The following BCAS2 variants were observed in gnomAD, a reference collection of about 807,000 sequenced individuals.
The protein encoded by BCAS2 is pre-mRNA-splicing factor SPF27.
A neutral mutation model predicts 35.3 loss-of-function variants in BCAS2; 34 were observed. The observed-to-expected ratio is 0.96, with a 90% CI of 0.73 to 1.28. The LOEUF is 1.28. Ranked by LOEUF, BCAS2 falls within the 50% of genes most tolerant of loss-of-function variation. The probability of loss-of-function intolerance (pLI) is 0.00; values close to 1 mark genes in which losing one functional copy is unlikely to be tolerated. For synonymous variants in BCAS2, 75 were observed against 91.6 expected (o/e 0.82, Z 1.03); for missense variants, 221 against 268.1 (o/e 0.82, Z 1.23).
At position 114,575,619 on chromosome 1, in the gene BCAS2, A is replaced by G. The variant is rs1204649582; in HGVS notation, c.390T>C (p.His130=). The change falls in exon 4 of 7, where the codon CAT becomes CAC. Residue 130 remains histidine (H), a synonymous_variant. Transcript: ENST00000369541. ...TGTATACTTTCCAGGCATTACATCC[A>G]TGCTGTGACATTAGTTCCAGATTCT... ...RIENLELMSQ[H]GCNAWKVYNE... 8.7e-6 allele frequency: 14 copies of G among 1,611,308 alleles called. No individual in the cohort carries two copies. The South Asian group carries it at 1.4e-4, about 17-fold the overall frequency.
intron 2 of BCAS2, among the ~76,000 whole-genome samples, chr1:114,578,185 T>C (rs1654812846): frequency 6.6e-6 from 1 of 150,908 alleles, no homozygotes; most frequent in East Asian, 1.9e-4. Context: ...TGAGACTTCA[T>C]CTCAAAAACA....
chr1:114,573,140 A>C (rs1217268044), intron 4 of BCAS2, among the ~76,000 whole-genome samples: 1 of 133,110 alleles, frequency 7.5e-6, no homozygotes, highest in Non-Finnish European at 1.6e-5. Flanking sequence ...AAAAAAAAAA[A>C]AAAAAAAAAA....
intron 4 of BCAS2, among the ~76,000 whole-genome samples, chr1:114,571,951 C>A (rs1236610114): frequency 6.6e-6 from 1 of 152,132 alleles, no homozygotes; most frequent in Admixed American, 6.5e-5. Flanking sequence ...ATACAGAGTA[C>A]CATATAATTA....
Position 114,568,156 on chromosome 1 carries a change from T to C in BCAS2, c.652A>G (p.Lys218Glu), listed in dbSNP as rs1245342055. 10 of 1,613,168 alleles carry C rather than the reference T, an allele frequency of 6.2e-6. No homozygotes were observed. Among genetic ancestry groups the C allele is most frequent in the Non-Finnish European group, 8.5e-6 (10 of 1,179,990 alleles). Residue 218 changes from lysine (K) to glutamate (E), a missense_variant, in exon 7 of 7, where the codon AAA becomes GAA. By Grantham distance (56) the Lys-to-Glu change is moderately conservative. Coordinates refer to ENST00000369541, the MANE Select transcript of BCAS2 (RefSeq NM_005872.3). The part of the protein sequence containing the change: ...QIKQQHGEAN[K>E]ENIRQDF ...CAGAAGTCTTGCCGGATGTTTTCTT[T>C]GTTTGCCTCTCCATGTTGCTGCTTA...
intron 6 of BCAS2, among the ~76,000 whole-genome samples, chr1:114,568,939 A>T (rs1351866944): frequency 6.7e-6 from 1 of 150,144 alleles, no homozygotes; most frequent in African/African-American, 2.5e-5. Context: ...ATTTAAAAGC[A>T]TTTTTTTGTA....
chr1:114,568,367 A>AGT, intron 6 of BCAS2, 111 bp from the exon 7 acceptor site: 1 of 899,772 alleles, frequency 1.1e-6, no homozygotes. Context: ...ACTAACCTTC[A>AGT]CTTTTTTTTT....
intron 2 of BCAS2, among the ~76,000 whole-genome samples, chr1:114,577,109 T>C (rs527317907): frequency 1.1e-4 from 17 of 152,206 alleles, no homozygotes; most frequent in Non-Finnish European, 2.1e-4. Flanking sequence ...CCCAATGTAA[T>C]AGTATTAAGA....
At chr1:114,573,006 G>A (rs1329891987) in intron 4 of BCAS2, among the ~76,000 whole-genome samples, 2 of 151,666 alleles carry the variant, frequency 1.3e-5, no homozygotes, top group African/African-American at 4.8e-5. Context: ...CTACTCTGGA[G>A]GCTGAGGCAG....
rs1423198106 is a variant in BCAS2 at position 114,576,247 on chromosome 1, C to CTCTCTA, written c.257+440_257+441insTAGAGA. On this transcript the variant is annotated intron_variant, in intron 3 of 6. Coordinates refer to ENST00000369541, the MANE Select transcript of BCAS2 (RefSeq NM_005872.3). The stretch of plus-strand genomic sequence containing the variant: ...CCTCTCTCTCTCTCTCTCTCTCTCT[C>CTCTCTA]TATATATATATATATATAGTTTTTT... Among the ~76,000 whole-genome samples, 1,276 of 131,618 alleles carry CTCTCTA rather than the reference C, an allele frequency of 9.7e-3. 18 individuals carry two copies. The highest frequency in any genetic ancestry group is 0.035 in the African/African-American group (1,206 of 34,620). 86.3% of individuals were successfully genotyped at this position (131,618 alleles called of 152,430 possible).
In BCAS2 at chr1:114,576,148, T is replaced by C. The variant is rs556602549; in HGVS notation, c.258-397A>G. On this transcript the variant is annotated intron_variant, in intron 3 of 6. Transcript: ENST00000369541. ...ATCCACTAACATACCCATGCGCCGGTAGAGAAAAAAATGAGAAGCGATATG... is the reference window on the plus strand; with the variant it reads ...ATCCACTAACATACCCATGCGCCGGCAGAGAAAAAAATGAGAAGCGATATG... Among the ~76,000 whole-genome samples the C allele has an allele frequency of 5.3e-5, 8 of 151,598 alleles. No individual in the cohort carries two copies. The South Asian group carries it at 8.3e-4, about 16-fold the overall frequency.
At position 114,567,968 on chromosome 1, in the gene BCAS2, G is replaced by T; in HGVS notation, c.*162C>A. The stretch of plus-strand genomic sequence containing the variant: ...AAGCTAGACATTTTAATTCTGTTGA[G>T]ATATACAAATAGAATTACCACAGCA... On this transcript the variant is annotated 3_prime_UTR_variant, in exon 7 of 7. Transcript: ENST00000369541. The T allele has an allele frequency of 1.1e-6, 1 of 888,004 alleles. No homozygotes were observed. Among genetic ancestry groups the T allele is most frequent in the Non-Finnish European group, 1.7e-6 (1 of 592,122 alleles). The allele number at this position is 888,004 out of a possible 1,614,324, so 55.0% of individuals were successfully genotyped here. A position where few individuals can be genotyped will look rare whatever the true frequency, so the allele number is the denominator to read the frequency against.
chr1:114,570,085 A>AT lies in BCAS2; in HGVS notation c.471-14dup. ...TTGAATATGTTTTCTGTAAAAAATT[A>AT]TTTATACAACCCAATTACATTTTAA... On this transcript the variant is annotated splice_polypyrimidine_tract_variant and intron_variant, in intron 5 of 6. Transcript: ENST00000369541. The AT allele has an allele frequency of 6.4e-7, 1 of 1,572,424 alleles. No individual in the cohort carries two copies. The highest frequency in any genetic ancestry group is 8.7e-7 in the Non-Finnish European group (1 of 1,144,410).
intron 6 of BCAS2, 61 bp downstream of exon 6, chr1:114,569,931 A>G (rs1329913942): frequency 1.5e-6 from 2 of 1,306,398 alleles, no homozygotes; most frequent in Non-Finnish European, 2.2e-6. Flanking sequence ...GAATCATATT[A>G]TTGAATCGAC....
chr1:114,575,226 C>T (rs1397332785), intron 4 of BCAS2, among the ~76,000 whole-genome samples: 13 of 138,706 alleles, frequency 9.4e-5, no homozygotes, highest in African/African-American at 2.4e-4. Flanking sequence ...CTCATTCTGT[C>T]GCCTAGGCTG....
intron 2 of BCAS2, among the ~76,000 whole-genome samples, chr1:114,580,545 C>T (rs1654864125): frequency 6.6e-6 from 1 of 152,154 alleles, no homozygotes; most frequent in Non-Finnish European, 1.5e-5. Context: ...CACATTTATA[C>T]ATACTATTGT....
At chr1:114,572,733 T>C (rs1654672235) in intron 4 of BCAS2, among the ~76,000 whole-genome samples, 1 of 152,046 alleles carries the variant, frequency 6.6e-6, no homozygotes, top group Non-Finnish European at 1.5e-5. Flanking sequence ...AGAGGCAGGA[T>C]TTGCAATAAT....
chr1:114,568,203 A>G lies in BCAS2; in HGVS notation c.605T>C (p.Leu202Pro), dbSNP rs991945677. Residue 202 changes from leucine (L) to proline (P), a missense_variant, in exon 7 of 7, where the codon CTA becomes CCA. Leu to Pro is a moderately conservative substitution (Grantham distance 98, BLOSUM62 -3). Transcript: ENST00000369541. The stretch of plus-strand genomic sequence containing the variant: ...CTTAATTTGATAGATTTCATTTTCT[A>G]GCTGAACAATAGTCCGTTCAATCTC... ...NYEIERTIVQ[L>P]ENEIYQIKQQ... The G allele has an allele frequency of 6.2e-7, 1 of 1,613,850 alleles. No individual in the cohort carries two copies. Among genetic ancestry groups the G allele is most frequent in the African/African-American group, 1.3e-5 (1 of 74,924 alleles).
At chr1:114,575,007 C>G (rs1654725621) in intron 4 of BCAS2, among the ~76,000 whole-genome samples, 1 of 150,436 alleles carries the variant, frequency 6.6e-6, no homozygotes. Flanking sequence ...GTAGCTGTGA[C>G]TACAGAAGCG....
intron 2 of BCAS2, among the ~76,000 whole-genome samples, chr1:114,577,198 T>C (rs1002016856): frequency 2.0e-5 from 3 of 151,462 alleles, no homozygotes; most frequent in Non-Finnish European, 2.9e-5. Flanking sequence ...AGAGTGGGTA[T>C]GTTATAAAAG....
Sources: allele counts gnomAD v4.1 joint callset (sites outside exome capture counted in the v4.1 genomes callset), GRCh38; gene constraint gnomAD v4.1.1; transcripts MANE v1.5; gene names NCBI Gene and HGNC (gene_info 2026-07-23, HGNC 2026-07-21).